The following PDZD2 variants were observed in gnomAD, a reference collection of about 807,000 sequenced individuals.
The protein encoded by PDZD2 is PDZ domain containing 2, also known as PDZ domain-containing protein 2.
A neutral mutation model predicts 220.7 loss-of-function variants in PDZD2; 90 were observed. That is an observed-to-expected ratio of 0.41 (90% CI 0.34 to 0.49). PDZD2 has a LOEUF of 0.49. Among genes scored for constraint, PDZD2 ranks in the 20% least tolerant of loss-of-function variants. The pLI is 0.28. For synonymous variants in PDZD2, 1,375 were observed against 1,450.5 expected, an observed-to-expected ratio of 0.95 and a Z score of 1.18; for missense variants, 3,174 against 3,608.5, an observed-to-expected ratio of 0.88 and a Z score of 3.08.
chr5:31,847,799 G>A (rs879415331), intron 2 of PDZD2: 8 of 573,538 alleles, frequency 1.4e-5, no homozygotes, highest in Admixed American at 5.7e-5. Flanking sequence ...AGTACCAGAC[G>A]ATTCCCTGGT....
At chr5:31,852,825 G>A (rs1051819171) in intron 2 of PDZD2, among the ~76,000 whole-genome samples, 1 of 152,178 alleles carries the variant, frequency 6.6e-6, no homozygotes. Flanking sequence ...TCGAACTCCT[G>A]ACCAAAAGTG....
At chr5:31,816,178 C>T (rs1466473450) in intron 2 of PDZD2, among the ~76,000 whole-genome samples, 1 of 151,548 alleles carries the variant, frequency 6.6e-6, no homozygotes, top group African/African-American at 2.4e-5. Flanking sequence ...GTCCCAGCTA[C>T]TCGGGAGGCT....
rs1356915748 is a variant in PDZD2 at position 32,108,462 on chromosome 5, C to G, written c.*327C>G. 1.2e-5 allele frequency: 2 copies of G among 167,552 alleles called. No homozygotes were observed. Among genetic ancestry groups the G allele is most frequent in the Non-Finnish European group, 2.6e-5 (2 of 78,144 alleles). 10.4% of individuals were successfully genotyped at this position (167,552 alleles called of 1,614,324 possible). On this transcript the variant is annotated 3_prime_UTR_variant, in exon 25 of 25. Coordinates refer to ENST00000438447, the MANE Select transcript of PDZD2 (RefSeq NM_178140.4). Reference sequence around the variant, plus strand: ...TGAAACAAACAAACATTTAGCTAGACCTTTGCTTCCTTCTTGCCAGCTCTC... The same window carrying G: ...TGAAACAAACAAACATTTAGCTAGAGCTTTGCTTCCTTCTTGCCAGCTCTC...
chr5:31,849,991 T>C lies in PDZD2; in HGVS notation c.476+50267T>C, dbSNP rs1394771382. Among the ~76,000 whole-genome samples the C allele has an allele frequency of 4.2e-4, 9 of 21,366 alleles. 1 individual carries two copies. Among genetic ancestry groups the C allele is most frequent in the Non-Finnish European group, 5.0e-4 (7 of 14,138 alleles). 14.0% of individuals were successfully genotyped at this position (21,366 alleles called of 152,430 possible). On this transcript the variant is annotated intron_variant, in intron 2 of 24. Transcript: ENST00000438447. ...ATATATATATATACATATATATATA[T>C]ACACATATATATATATACACACACA... is the stretch of plus-strand genomic sequence containing the variant.
chr5:31,808,895 G>A (rs886691247), intron 2 of PDZD2, among the ~76,000 whole-genome samples: 4 of 151,806 alleles, frequency 2.6e-5, no homozygotes, highest in South Asian at 2.1e-4. Context: ...CAGGAGAATC[G>A]CTTGAACTGG....
intron 2 of PDZD2, among the ~76,000 whole-genome samples, chr5:31,913,710 G>C (rs1438005598): frequency 6.6e-6 from 1 of 152,106 alleles, no homozygotes; most frequent in Admixed American, 6.6e-5. Context: ...AAGTTGAAGG[G>C]GGAAAAACCA....
chr5:32,097,526 A>G, intron 22 of PDZD2, 146 bp downstream of exon 22: 2 of 660,072 alleles, frequency 3.0e-6, no homozygotes, highest in East Asian at 5.4e-5. Flanking sequence ...AAGTGGGAGA[A>G]GTAGTACGTA....
At chr5:32,055,382 A>G (rs1268978311) in intron 10 of PDZD2, among the ~76,000 whole-genome samples, 2 of 151,954 alleles carry the variant, frequency 1.3e-5, no homozygotes, top group Non-Finnish European at 2.9e-5. Flanking sequence ...TTTTTTTAAG[A>G]GATGGAGTCT....
Position 31,799,463 on chromosome 5 carries a change from A to C in PDZD2, c.215A>C (p.Tyr72Ser). Reference sequence around the variant, plus strand: ...CCCGAAATGGAGATCTGTACTGTGTACCTCACCAAGGAGCTGGGGGACACA... The same window carrying C: ...CCCGAAATGGAGATCTGTACTGTGTCCCTCACCAAGGAGCTGGGGGACACA... Reference protein sequence around the residue: ...SPPEMEICTVYLTKELGDTET... With the variant: ...SPPEMEICTVSLTKELGDTET... Residue 72 changes from tyrosine to serine, a missense_variant, in exon 2 of 25, where the codon TAC becomes TCC. Tyr to Ser is a moderately radical substitution (Grantham distance 144, BLOSUM62 -2). Coordinates refer to ENST00000438447, the MANE Select transcript of PDZD2 (RefSeq NM_178140.4). 6.2e-7 allele frequency: 1 copy of C among 1,614,082 alleles called. No homozygotes were observed. Among genetic ancestry groups the C allele is most frequent in the Non-Finnish European group, 8.5e-7 (1 of 1,179,966 alleles).
At chr5:32,077,257 T>C (rs1741384498) in intron 18 of PDZD2, among the ~76,000 whole-genome samples, 1 of 143,478 alleles carries the variant, frequency 7.0e-6, no homozygotes, top group African/African-American at 2.5e-5. Flanking sequence ...CATTTTAGAG[T>C]TGAAAAAAAT....
chr5:31,782,162 G>A (rs1375119517), intron 1 of PDZD2, among the ~76,000 whole-genome samples: 1 of 152,158 alleles, frequency 6.6e-6, no homozygotes, highest in African/African-American at 2.4e-5. Flanking sequence ...GACTCTGAGA[G>A]CTTCATTTTG....
chr5:31,759,812 T>C (rs1389302848), intron 1 of PDZD2, among the ~76,000 whole-genome samples: 5 of 152,268 alleles, frequency 3.3e-5, no homozygotes, highest in Admixed American at 3.3e-4. Flanking sequence ...CCCAAAGCGT[T>C]GGGATTACAG....
chr5:31,958,041 G>A lies in PDZD2; in HGVS notation c.477-25114G>A, dbSNP rs566313212. On this transcript the variant is annotated intron_variant, in intron 2 of 24. Transcript: ENST00000438447. Reference sequence around the variant, plus strand: ...TTAAATCCAAAATTTACAAATGTCCGAGAATTAAAGCAGCAGGGCTTCCAT... The same window carrying A: ...TTAAATCCAAAATTTACAAATGTCCAAGAATTAAAGCAGCAGGGCTTCCAT... 1.3e-4 allele frequency among the ~76,000 whole-genome samples: 20 copies of A among 152,116 alleles called. No homozygotes were observed. In the East Asian group the frequency reaches 2.3e-3, roughly 18 times the overall value.
intron 15 of PDZD2, among the ~76,000 whole-genome samples, chr5:32,070,718 G>A (rs193162842): frequency 8.5e-5 from 13 of 152,334 alleles, no homozygotes; most frequent in African/African-American, 2.6e-4. Context: ...CCATGGAGCC[G>A]GGCGCCATGG....
At chr5:31,837,386 C>T (rs1371221725) in intron 2 of PDZD2, among the ~76,000 whole-genome samples, 1 of 152,174 alleles carries the variant, frequency 6.6e-6, no homozygotes, top group Non-Finnish European at 1.5e-5. Context: ...ACAGCAAACT[C>T]CCACCTGCCA....
intron 2 of PDZD2, among the ~76,000 whole-genome samples, chr5:31,878,600 C>T (rs1366180181): frequency 9.6e-6 from 1 of 103,978 alleles, no homozygotes; most frequent in Non-Finnish European, 1.8e-5. Flanking sequence ...CTCGCTGTCG[C>T]CCAGGCTGGA....
intron 6 of PDZD2, among the ~76,000 whole-genome samples, chr5:32,019,592 T>C (rs1754035283): frequency 6.6e-6 from 1 of 152,192 alleles, no homozygotes; most frequent in Non-Finnish European, 1.5e-5. Context: ...TGTTTTAGAT[T>C]GTTTTGTTTT....
chr5:31,874,896 TATAAC>T (rs1739169409), intron 2 of PDZD2, among the ~76,000 whole-genome samples: 3 of 152,192 alleles, frequency 2.0e-5, no homozygotes, highest in Admixed American at 2.0e-4. Context: ...ACAACAAAAT[TATAAC>T]AGAAGTCCCC....
Position 32,059,356 on chromosome 5 carries a change from G to A in PDZD2, c.2318G>A (p.Ser773Asn). The stretch of plus-strand genomic sequence containing the variant: ...GTGGCCAAGATGGAGAGCAACCTGA[G>A]GTTTGTTGTTTGCCTGATAGTGTAA... ...GSVAKMESNL[S>N]RGDQILEVNS... The change falls in exon 13 of 25, where the codon AGC becomes AAC. Residue 773 changes from serine to asparagine, a missense_variant and splice_region_variant. Around this residue, in one of 4 missense-constraint regions of PDZD2, gnomAD observed 1,861 missense variants for 2,001.0 expected, o/e 0.93. Coordinates refer to ENST00000438447, the MANE Select transcript of PDZD2 (RefSeq NM_178140.4). The A allele has an allele frequency of 6.5e-7, 1 of 1,527,472 alleles. No homozygotes were observed. Among genetic ancestry groups the A allele is most frequent in the Non-Finnish European group, 9.1e-7 (1 of 1,101,062 alleles). The allele number at this position is 1,527,472 out of a possible 1,614,324, so 94.6% of individuals were successfully genotyped here. A position where few individuals can be genotyped will look rare whatever the true frequency, so the allele number is the denominator to read the frequency against.
Sources: gnomAD v4.1 joint callset for allele counts (sites outside exome capture counted in the v4.1 genomes callset) on GRCh38, gnomAD v4.1.1 for gene constraint, gnomAD v4.1.1 regional missense constraint, MANE v1.5 for transcripts, NCBI Gene and HGNC (gene_info 2026-07-23, HGNC 2026-07-21) for gene names.